Variants in DNAJC5B observed in about 807,000 individuals in gnomAD.
The protein encoded by DNAJC5B is DnaJ heat shock protein family (Hsp40) member C5 beta, also known as dnaJ homolog subfamily C member 5B.
DNAJC5B carries 23 observed loss-of-function variants against 24.7 expected under a neutral mutation model. The ratio of observed to expected loss-of-function variants is 0.93; its 90% confidence interval spans 0.67 to 1.32. The LOEUF (loss-of-function observed/expected upper bound fraction) is 1.32, where lower values mean the gene tolerates loss of function less well. Ranked by LOEUF, DNAJC5B falls within the 40% of genes most tolerant of loss-of-function variation. The pLI, the probability that DNAJC5B is intolerant of heterozygous loss-of-function variation, is 0.00. For missense variants in DNAJC5B, 238 were observed against 240.8 expected, an observed-to-expected ratio of 0.99 and a Z score of 0.08; for synonymous variants, 101 against 90.1, an observed-to-expected ratio of 1.12 and a Z score of -0.68.
intron 3 of DNAJC5B, among the ~76,000 whole-genome samples, chr8:66,065,745 G>A (rs1465111179): frequency 6.6e-6 from 1 of 152,202 alleles, no homozygotes; most frequent in Non-Finnish European, 1.5e-5. Context: ...CGATATGGCT[G>A]TGTGAGAGGG....
At chr8:66,020,113 T>C (rs1806072254), upstream of DNAJC5B, among the ~76,000 whole-genome samples, 1 of 152,194 alleles carries the variant, frequency 6.6e-6, no homozygotes, top group African/African-American at 2.4e-5. Context: ...CAAAGCCCTG[T>C]GGTGGGGAAA....
chr8:66,045,231 T>G (rs1806698509), intron 2 of DNAJC5B, among the ~76,000 whole-genome samples: 2 of 152,374 alleles, frequency 1.3e-5, no homozygotes, highest in South Asian at 4.1e-4. Flanking sequence ...ACCAACTATC[T>G]TTTGCTTGCA....
intron 1 of DNAJC5B, among the ~76,000 whole-genome samples, chr8:66,023,524 AC>A (rs769446989): frequency 6.6e-6 from 1 of 152,188 alleles, no homozygotes; most frequent in East Asian, 1.9e-4. Flanking sequence ...TCTTAAAAAA[AC>A]ATGTATACAA....
intron 5 of DNAJC5B, among the ~76,000 whole-genome samples, chr8:66,085,749 T>G (rs546513711): frequency 1.3e-5 from 2 of 152,262 alleles, no homozygotes; most frequent in South Asian, 4.1e-4. Flanking sequence ...AACTTTATTT[T>G]TTTTTACAAA....
chr8:66,039,569 C>T (rs894529292), intron 1 of DNAJC5B, among the ~76,000 whole-genome samples: 2 of 152,022 alleles, frequency 1.3e-5, no homozygotes, highest in Non-Finnish European at 2.9e-5. Context: ...AGGCTGGTCT[C>T]GAGCTCCCGA....
intron 1 of DNAJC5B, among the ~76,000 whole-genome samples, chr8:66,042,679 C>T (rs1350576009): frequency 1.1e-4 from 15 of 142,504 alleles, no homozygotes; most frequent in African/African-American, 3.7e-4. Context: ...CTCCTTCTCC[C>T]TCTTCCCTCC....
chr8:66,083,080 C>T (rs886607821), intron 5 of DNAJC5B, among the ~76,000 whole-genome samples: 11 of 137,780 alleles, frequency 8.0e-5, no homozygotes, highest in African/African-American at 2.9e-4. Flanking sequence ...GGCACGATCT[C>T]GGCTCACTGC....
chr8:66,034,283 A>G (rs1806431281), intron 1 of DNAJC5B, among the ~76,000 whole-genome samples: 1 of 151,408 alleles, frequency 6.6e-6, no homozygotes, highest in Non-Finnish European at 1.5e-5. Flanking sequence ...AAAAGATCTT[A>G]CTGGGACACA....
intron 4 of DNAJC5B, among the ~76,000 whole-genome samples, chr8:66,078,843 A>G (rs1807529262): frequency 6.6e-6 from 1 of 152,182 alleles, no homozygotes; most frequent in South Asian, 2.1e-4. Flanking sequence ...TCAGAGATGA[A>G]GCCCAGGTCT....
chr8:66,070,901 A>G (rs1807332953), intron 3 of DNAJC5B, among the ~76,000 whole-genome samples: 1 of 152,164 alleles, frequency 6.6e-6, no homozygotes, highest in African/African-American at 2.4e-5. Context: ...AGCACCACAC[A>G]TCTACAATCA....
chr8:66,082,818 A>G (rs911886747), intron 5 of DNAJC5B, among the ~76,000 whole-genome samples: 5 of 152,060 alleles, frequency 3.3e-5, no homozygotes, highest in Non-Finnish European at 7.4e-5. Context: ...AATCACAACA[A>G]ATTGCAAGGC....
intron 1 of DNAJC5B, 74 bp from the exon 2 acceptor site, chr8:66,043,414 G>T (rs544106820): frequency 6.6e-6 from 1 of 152,280 alleles, no homozygotes; most frequent in East Asian, 1.9e-4. Context: ...ATATATTTTG[G>T]TATCAGTGGA....
chr8:66,031,721 T>C (rs1196350853), intron 1 of DNAJC5B, among the ~76,000 whole-genome samples: 2 of 152,098 alleles, frequency 1.3e-5, no homozygotes, highest in East Asian at 3.9e-4. Context: ...GGAGGGTCAA[T>C]CTTTTTCTTC....
chr8:66,080,339 C>T, intron 4 of DNAJC5B, 38 bp from the exon 5 acceptor site: 3 of 1,591,882 alleles, frequency 1.9e-6, no homozygotes, highest in Non-Finnish European at 1.7e-6. Context: ...CACCCCATCA[C>T]CCCTCATCCT....
At chr8:66,025,903 C>T (rs1205048970) in intron 1 of DNAJC5B, among the ~76,000 whole-genome samples, 4 of 94,770 alleles carry the variant, frequency 4.2e-5, no homozygotes, top group Middle Eastern at 4.5e-3. Flanking sequence ...ATTGACTTGG[C>T]GATGCGGGCT....
At chr8:66,022,715 A>G (rs1309214224) in intron 1 of DNAJC5B, among the ~76,000 whole-genome samples, 1 of 152,248 alleles carries the variant, frequency 6.6e-6, no homozygotes, top group Non-Finnish European at 1.5e-5. Context: ...CTATGAAAGT[A>G]GTAATAGTCC....
At chr8:66,044,740 G>A (rs916293997) in intron 2 of DNAJC5B, among the ~76,000 whole-genome samples, 2 of 152,126 alleles carry the variant, frequency 1.3e-5, no homozygotes, top group Admixed American at 6.5e-5. Flanking sequence ...AGAAGATTAA[G>A]TATCATGTAC....
At chr8:66,050,381 G>C (rs1169945071) in intron 2 of DNAJC5B, among the ~76,000 whole-genome samples, 1 of 152,182 alleles carries the variant, frequency 6.6e-6, no homozygotes, top group African/African-American at 2.4e-5. Context: ...GCTGTTGTAA[G>C]GTAAGAGTTG....
chr8:66,060,540 C>G (rs1046342703), intron 3 of DNAJC5B, among the ~76,000 whole-genome samples: 2 of 152,182 alleles, frequency 1.3e-5, no homozygotes, highest in Non-Finnish European at 2.9e-5. Flanking sequence ...ATTCCTGCAG[C>G]AAGTCCACCT....
Sources: gnomAD v4.1 joint callset for allele counts (sites outside exome capture counted in the v4.1 genomes callset) on GRCh38, gnomAD v4.1.1 for gene constraint, MANE v1.5 for transcripts, NCBI Gene and HGNC (gene_info 2026-07-23, HGNC 2026-07-21) for gene names.